The following LONP2 variants were observed in gnomAD, a reference collection of about 807,000 sequenced individuals.
The protein encoded by LONP2 is lon peptidase 2, peroxisomal, also known as lon protease homolog 2, peroxisomal.
In LONP2, 60 loss-of-function variants were observed where a neutral mutation model predicts 85.6. The observed-to-expected ratio is 0.70, with a 90% CI of 0.57 to 0.87. The LOEUF (loss-of-function observed/expected upper bound fraction) is 0.87. Among genes scored for constraint, LONP2 ranks in the 40% least tolerant of loss-of-function variants. The probability of loss-of-function intolerance (pLI) is 0.00; values close to 1 mark genes in which losing one functional copy is unlikely to be tolerated. For synonymous variants in LONP2, 395 were observed against 389.7 expected (o/e 1.01, Z -0.16); for missense variants, 860 against 1,063.5 (o/e 0.81, Z 2.66).
chr16:48,261,265 A>G (rs1246836556), intron 4 of LONP2, among the ~76,000 whole-genome samples, 159 bp from the exon 5 acceptor site: 1 of 152,074 alleles, frequency 6.6e-6, no homozygotes, highest in Admixed American at 6.6e-5. Flanking sequence ...TCTGTATACA[A>G]CTGCCTTTTG....
chr16:48,245,590 A>G (rs1000823126), intron 1 of LONP2, among the ~76,000 whole-genome samples: 5 of 152,146 alleles, frequency 3.3e-5, no homozygotes, highest in African/African-American at 1.2e-4. Context: ...TGAAAGTCCT[A>G]TGTTTTAGCC....
chr16:48,334,375 A>T lies in LONP2; in HGVS notation c.1938+17A>T, dbSNP rs767439021. 1.6e-4 allele frequency: 260 copies of T among 1,613,678 alleles called. No homozygotes were observed. Among genetic ancestry groups the T allele is most frequent in the Non-Finnish European group, 2.1e-4 (244 of 1,179,914 alleles). ...GAAATGGAGGTGATTCATTCTTTTTATTTCTTTTTGCTCCAGTCAATGAAA... is the reference window on the plus strand; with the variant it reads ...GAAATGGAGGTGATTCATTCTTTTTTTTTCTTTTTGCTCCAGTCAATGAAA... On this transcript the variant is annotated intron_variant, in intron 12 of 14. Transcript: ENST00000285737.
At chr16:48,260,397 G>C (rs371119374) in intron 4 of LONP2, among the ~76,000 whole-genome samples, 4 of 152,152 alleles carry the variant, frequency 2.6e-5, no homozygotes, top group African/African-American at 9.7e-5. Flanking sequence ...AGGAGTTCAA[G>C]ACCAGGCTGG....
At chr16:48,255,632 G>A (rs1971742701) in intron 2 of LONP2, among the ~76,000 whole-genome samples, 1 of 152,020 alleles carries the variant, frequency 6.6e-6, no homozygotes, top group African/African-American at 2.4e-5. Flanking sequence ...ATATCACCTT[G>A]AGTTGTAATA....
rs144237357 is a variant in LONP2, at chr16:48,306,798, G to A, written c.1795+3493G>A. 1.1e-4 allele frequency among the ~76,000 whole-genome samples: 17 copies of A among 152,236 alleles called. No homozygotes were observed. In the East Asian group the frequency reaches 2.9e-3, roughly 26 times the overall value. On this transcript the variant is annotated intron_variant, in intron 11 of 14. Coordinates refer to ENST00000285737, the MANE Select transcript of LONP2 (RefSeq NM_031490.5). Reference sequence around the variant, plus strand: ...CCAAGTTCAAATGGAGCTTAGTAATGAAAATTTTCTCATTAAGAAATGAAT... The same window carrying A: ...CCAAGTTCAAATGGAGCTTAGTAATAAAAATTTTCTCATTAAGAAATGAAT...
At position 48,244,330 on chromosome 16, in the gene LONP2, C is replaced by A; in HGVS notation, c.-59C>A. The A allele has an allele frequency of 1.5e-6, 2 of 1,294,260 alleles. No individual in the cohort carries two copies. The highest frequency in any genetic ancestry group is 1.0e-6 in the Non-Finnish European group (1 of 968,850). The allele number at this position is 1,294,260 out of a possible 1,614,324, so 80.2% of individuals were successfully genotyped here. A position where few individuals can be genotyped will look rare whatever the true frequency, so the allele number is the denominator to read the frequency against. On this transcript the variant is annotated 5_prime_UTR_variant, in exon 1 of 15. Transcript: ENST00000285737. ...TGAGGTTTGGTGACTGCGGGGCAGG[C>A]CGGGGGCAGCTGTCTGTCTGGCTCT... is the stretch of plus-strand genomic sequence containing the variant.
intron 8 of LONP2, among the ~76,000 whole-genome samples, chr16:48,288,265 T>G (rs1972490021): frequency 1.3e-5 from 2 of 151,038 alleles, no homozygotes; most frequent in Admixed American, 1.3e-4. Flanking sequence ...GCGATTCTCC[T>G]GCCTCAGTCT....
intron 6 of LONP2, 44 bp downstream of exon 6, chr16:48,262,916 C>A: frequency 1.7e-6 from 2 of 1,206,672 alleles, no homozygotes; most frequent in Non-Finnish European, 2.4e-6. Context: ...AATTGTCACT[C>A]AGAAAGCTCA....
At chr16:48,275,164 C>T (rs1048935148) in intron 7 of LONP2, among the ~76,000 whole-genome samples, 8 of 152,050 alleles carry the variant, frequency 5.3e-5, no homozygotes, top group Non-Finnish European at 8.8e-5. Flanking sequence ...TGCCAGGGAC[C>T]GTGCTGTGTG....
chr16:48,361,779 T>C (rs1416864758), downstream of LONP2: 1 of 1,614,196 alleles, frequency 6.2e-7, no homozygotes, highest in Non-Finnish European at 8.5e-7. Flanking sequence ...ATTTTCAGCT[T>C]GCTTGCGTGT....
intron 8 of LONP2, among the ~76,000 whole-genome samples, chr16:48,280,957 A>T (rs56153325): frequency 0.014 from 2,085 of 152,326 alleles, 48 homozygotes; most frequent in African/African-American, 0.047. Context: ...ACTTAAATTT[A>T]AAAAAAGAAC....
chr16:48,251,203 A>G lies in LONP2; in HGVS notation c.234-928A>G, dbSNP rs998032473. Among the ~76,000 whole-genome samples, 7 of 152,154 alleles carry G rather than the reference A, an allele frequency of 4.6e-5. No homozygotes were observed. In the East Asian group the frequency reaches 9.6e-4, roughly 21 times the overall value. On this transcript the variant is annotated intron_variant, in intron 1 of 14. Coordinates refer to ENST00000285737, the MANE Select transcript of LONP2 (RefSeq NM_031490.5). ...AGATGGGCAGGTGTGGTGTTCTTCT[A>G]TTACCGCTTTCCTAGGGTGTTGAGA...
At position 48,252,352 on chromosome 16, in the gene LONP2, A is replaced by C. The variant is rs1309819166; in HGVS notation, c.455A>C (p.Lys152Thr). The change falls in exon 2 of 15, where the codon AAA becomes ACA. Residue 152 changes from lysine to threonine, a missense_variant. Transcript: ENST00000285737. ...ELGELSEQFY[K>T]YAVQLVEMLD... ...GGAGAACTATCAGAGCAGTTTTACA[A>C]ATATGCAGTACAAGTAAGTTGCTTT... is the stretch of plus-strand genomic sequence containing the variant. 1.2e-6 allele frequency: 2 copies of C among 1,602,246 alleles called. No individual in the cohort carries two copies. The highest frequency in any genetic ancestry group is 1.7e-6 in the Non-Finnish European group (2 of 1,174,784).
At chr16:48,319,586 A>C (rs1243600971) in intron 11 of LONP2, among the ~76,000 whole-genome samples, 1 of 152,144 alleles carries the variant, frequency 6.6e-6, no homozygotes, top group African/African-American at 2.4e-5. Context: ...TGACTTGGCC[A>C]GAGCCTTCAG....
intron 11 of LONP2, among the ~76,000 whole-genome samples, chr16:48,327,332 T>A (rs1310966618): frequency 6.6e-6 from 1 of 152,168 alleles, no homozygotes; most frequent in Non-Finnish European, 1.5e-5. Flanking sequence ...TTCAGACCGA[T>A]TTTATTTCTT....
chr16:48,282,508 A>G (rs1567321789), intron 8 of LONP2, among the ~76,000 whole-genome samples: 1 of 151,538 alleles, frequency 6.6e-6, no homozygotes, highest in Non-Finnish European at 1.5e-5. Flanking sequence ...TCATGTCTGT[A>G]TGTCACATTT....
chr16:48,258,803 C>G, intron 4 of LONP2, 63 bp downstream of exon 4: 2 of 1,456,586 alleles, frequency 1.4e-6, no homozygotes, highest in Non-Finnish European at 1.8e-6. Context: ...AAGAGAGGAA[C>G]AAAGAAGAAA....
chr16:48,305,430 T>A (rs1391968759), intron 11 of LONP2, among the ~76,000 whole-genome samples: 1 of 152,060 alleles, frequency 6.6e-6, no homozygotes, highest in African/African-American at 2.4e-5. Flanking sequence ...AATTTTTGTA[T>A]TTTTAGTAGA....
At chr16:48,334,120 T>C in intron 11 of LONP2, 96 bp from the exon 12 acceptor site, 1 of 1,088,122 alleles carries the variant, frequency 9.2e-7, no homozygotes, top group Non-Finnish European at 1.3e-6. Flanking sequence ...ACTGAACTTT[T>C]GAGGTCCACT....
Sources: gnomAD v4.1 joint callset for allele counts (sites outside exome capture counted in the v4.1 genomes callset) on GRCh38, gnomAD v4.1.1 for gene constraint, MANE v1.5 for transcripts, NCBI Gene and HGNC (gene_info 2026-07-23, HGNC 2026-07-21) for gene names.